SOHLH2: variants seen among roughly 807,000 people sequenced by gnomAD.
The protein encoded by SOHLH2 is spermatogenesis- and oogenesis-specific basic helix-loop-helix-containing protein 2.
SOHLH2 carries 22 observed loss-of-function variants against 50.4 expected under a neutral mutation model. The observed-to-expected ratio is 0.44, with a 90% CI of 0.31 to 0.62. The LOEUF is 0.62. Ranked by LOEUF, SOHLH2 falls within the 20% of genes least tolerant of loss-of-function variation. The pLI is 0.08. For missense variants in SOHLH2, 412 were observed against 504.4 expected, an observed-to-expected ratio of 0.82 and a Z score of 1.76; for synonymous variants, 185 against 187.3, an observed-to-expected ratio of 0.99 and a Z score of 0.10.
intron 6 of SOHLH2, among the ~76,000 whole-genome samples, chr13:36,188,109 C>A (rs1019261180): frequency 3.3e-5 from 5 of 152,190 alleles, no homozygotes; most frequent in African/African-American, 1.2e-4. Context: ...AGACTTCCAA[C>A]CCATGCTGGC....
intron 6 of SOHLH2, among the ~76,000 whole-genome samples, chr13:36,187,776 C>T (rs184697826): frequency 1.1e-4 from 16 of 152,300 alleles, no homozygotes; most frequent in Admixed American, 2.6e-4. Flanking sequence ...TTCTGGATTC[C>T]CTTGCCTTCT....
intron 1 of SOHLH2, among the ~76,000 whole-genome samples, chr13:36,204,925 TG>T (rs147973586): frequency 0.025 from 3,806 of 152,302 alleles, 77 homozygotes; most frequent in East Asian, 0.077. Context: ...GGGTCTATTA[TG>T]ATCTTCAGTT....
At position 36,174,853 on chromosome 13, in the gene SOHLH2, A is replaced by G; in HGVS notation, c.658T>C (p.Cys220Arg). The G allele has an allele frequency of 1.9e-6, 3 of 1,579,836 alleles. No individual in the cohort carries two copies. Among genetic ancestry groups the G allele is most frequent in the Non-Finnish European group, 2.6e-6 (3 of 1,169,568 alleles). ...EKLRRERIKYCCEQLRTLLPY... is the reference protein window; with the variant it reads ...EKLRRERIKYRCEQLRTLLPY... ...AAGAGAGTACGCAGCTGCTCACAGC[A>G]ATATTTGATTCTTTCCCTGGACACA... Residue 220 changes from cysteine to arginine, a missense_variant, in exon 7 of 11, where the codon TGC (cysteine) becomes CGC (arginine). Cys to Arg is a radical substitution (Grantham distance 180, BLOSUM62 -3). Coordinates refer to ENST00000379881, the MANE Select transcript of SOHLH2 (RefSeq NM_017826.3).
chr13:36,197,745 T>G (rs925981171), intron 2 of SOHLH2, among the ~76,000 whole-genome samples: 2 of 152,206 alleles, frequency 1.3e-5, no homozygotes, highest in African/African-American at 4.8e-5. Flanking sequence ...TGATAGTTTA[T>G]TCTGGCTAAT....
chr13:36,184,149 T>C (rs1252945443), intron 6 of SOHLH2, among the ~76,000 whole-genome samples: 1 of 152,170 alleles, frequency 6.6e-6, no homozygotes, highest in Non-Finnish European at 1.5e-5. Context: ...ACAGAAACTT[T>C]ACAAAGCATG....
At chr13:36,190,805 C>A (rs1887551821) in intron 5 of SOHLH2, among the ~76,000 whole-genome samples, 1 of 152,034 alleles carries the variant, frequency 6.6e-6, no homozygotes, top group African/African-American at 2.4e-5. Flanking sequence ...ACCCCATATC[C>A]TAGATAAGGG....
At position 36,209,981 on chromosome 13, in the gene SOHLH2, T is replaced by A. The variant is rs568925028; in HGVS notation, c.48+4498A>T. Reference sequence around the variant, plus strand: ...CGCCAGCTAATTGTCAAAATCAAGGTGGGCTCTACTCTGAAGACCAAGTAT... The same window carrying A: ...CGCCAGCTAATTGTCAAAATCAAGGAGGGCTCTACTCTGAAGACCAAGTAT... On this transcript the variant is annotated intron_variant, in intron 1 of 10. Coordinates refer to ENST00000379881, the MANE Select transcript of SOHLH2 (RefSeq NM_017826.3). Among the ~76,000 whole-genome samples, 8 of 145,122 alleles carry A rather than the reference T, an allele frequency of 5.5e-5. No homozygotes were observed. In the East Asian group the frequency reaches 1.7e-3, roughly 32 times the overall value.
At chr13:36,184,745 A>C (rs1887366174) in intron 6 of SOHLH2, among the ~76,000 whole-genome samples, 1 of 152,156 alleles carries the variant, frequency 6.6e-6, no homozygotes, top group South Asian at 2.1e-4. Context: ...GGCGTGAGCC[A>C]CTGCACCCGC....
At chr13:36,200,241 T>A (rs528365503) in intron 2 of SOHLH2, among the ~76,000 whole-genome samples, 2 of 152,350 alleles carry the variant, frequency 1.3e-5, no homozygotes, top group South Asian at 4.1e-4. Context: ...AACTCCCTTT[T>A]TTTAAGGCTT....
rs764218457 is a variant in SOHLH2 at position 36,184,459 on chromosome 13, C to CTTTTTTTTTTTTTTT, written c.641+5486_641+5487insAAAAAAAAAAAAAAA. On this transcript the variant is annotated intron_variant, in intron 6 of 10. Transcript: ENST00000379881. ...TGATGGAAGTTTCTACCTACAAAGACCTTTTTTTTTTTTTTTTTTTGAGAC... is the reference window on the plus strand; with the variant it reads ...TGATGGAAGTTTCTACCTACAAAGACTTTTTTTTTTTTTTTCTTTTTTTTTTTTTTTTTTTGAGAC... Among the ~76,000 whole-genome samples, 7 of 81,668 alleles carry CTTTTTTTTTTTTTTT rather than the reference C, an allele frequency of 8.6e-5. 1 individual carries two copies. The highest frequency in any genetic ancestry group is 3.4e-4 in the African/African-American group (7 of 20,414). The allele number at this position is 81,668 out of a possible 152,430, so 53.6% of individuals were successfully genotyped here. A position where few individuals can be genotyped will look rare whatever the true frequency, so the allele number is the denominator to read the frequency against.
chr13:36,206,331 G>A (rs1030672654), intron 1 of SOHLH2, among the ~76,000 whole-genome samples: 1 of 151,882 alleles, frequency 6.6e-6, no homozygotes, highest in African/African-American at 2.4e-5. Flanking sequence ...GCATTTTGTT[G>A]TACCCCACAC....
At chr13:36,213,952 A>G (rs1566049762) in intron 1 of SOHLH2, among the ~76,000 whole-genome samples, 1 of 152,084 alleles carries the variant, frequency 6.6e-6, no homozygotes, top group Non-Finnish European at 1.5e-5. Flanking sequence ...CCAGCCCCAG[A>G]GTGCCTACTA....
chr13:36,206,219 G>A (rs1309159252), intron 1 of SOHLH2, among the ~76,000 whole-genome samples: 1 of 151,870 alleles, frequency 6.6e-6, no homozygotes, highest in Non-Finnish European at 1.5e-5. Flanking sequence ...ATCCTCATGT[G>A]GTAAGTGTGG....
At chr13:36,193,377 G>T (rs1474497420) in intron 4 of SOHLH2, among the ~76,000 whole-genome samples, 1 of 152,224 alleles carries the variant, frequency 6.6e-6, no homozygotes, top group Non-Finnish European at 1.5e-5. Flanking sequence ...TACCAAAAAA[G>T]AAAGAAAAAC....
chr13:36,210,179 GGAGT>G (rs1869027283), intron 1 of SOHLH2, among the ~76,000 whole-genome samples: 1 of 152,156 alleles, frequency 6.6e-6, no homozygotes, highest in Non-Finnish European at 1.5e-5. Context: ...TGCTTTAGTA[GGAGT>G]GAGCTGGGAG....
chr13:36,209,186 C>A (rs1368871316), intron 1 of SOHLH2, among the ~76,000 whole-genome samples: 1 of 152,136 alleles, frequency 6.6e-6, no homozygotes, highest in Non-Finnish European at 1.5e-5. Flanking sequence ...TTAGTCTTCA[C>A]TCCTTCTAAG....
At chr13:36,208,171 C>A (rs1317682668) in intron 1 of SOHLH2, among the ~76,000 whole-genome samples, 3 of 152,136 alleles carry the variant, frequency 2.0e-5, no homozygotes, top group African/African-American at 7.2e-5. Context: ...TCCCATTTCT[C>A]CTGAAAGTTA....
In SOHLH2 at chr13:36,169,040, C is replaced by T. The variant is rs148509448; in HGVS notation, c.1272G>A (p.Ala424=). The part of the protein sequence containing the change: ...THPNCLQQFW[A]Y Reference sequence around the variant, plus strand: ...GAATTTCAAACATGTGCTTTTAATACGCCCAAAACTGTTGCTGCAAAGAAG... The same window carrying T: ...GAATTTCAAACATGTGCTTTTAATATGCCCAAAACTGTTGCTGCAAAGAAG... The change falls in exon 11 of 11, where the codon GCG becomes GCA. Residue 424 remains alanine (A), a synonymous_variant. Coordinates refer to ENST00000379881, the MANE Select transcript of SOHLH2 (RefSeq NM_017826.3). 32 of 1,606,230 alleles carry T rather than the reference C, an allele frequency of 2.0e-5. No individual in the cohort carries two copies. In the East Asian group the frequency reaches 2.0e-4, roughly 10 times the overall value.
chr13:36,181,058 T>C (rs1015867899), intron 6 of SOHLH2, among the ~76,000 whole-genome samples: 1 of 152,214 alleles, frequency 6.6e-6, no homozygotes, highest in Non-Finnish European at 1.5e-5. Context: ...TCTTATCACA[T>C]GCTATTTGTG....
Sources: gnomAD v4.1 joint callset for allele counts (sites outside exome capture counted in the v4.1 genomes callset) on GRCh38, gnomAD v4.1.1 for gene constraint, MANE v1.5 for transcripts, NCBI Gene and HGNC (gene_info 2026-07-23, HGNC 2026-07-21) for gene names.